The following INPP4B variants were observed in gnomAD, a reference collection of about 807,000 sequenced individuals.
The protein encoded by INPP4B is inositol polyphosphate-4-phosphatase type II B.
A neutral mutation model predicts 122.5 loss-of-function variants in INPP4B; 55 were observed. The ratio of observed to expected loss-of-function variants is 0.45; its 90% CI spans 0.36 to 0.56. INPP4B has a LOEUF of 0.56. INPP4B is among the 20% of genes least tolerant of loss of function. The pLI is 0.00. For missense variants in INPP4B, 1,000 were observed against 1,097.7 expected, an observed-to-expected ratio of 0.91 and a Z score of 1.26; for synonymous variants, 403 against 388.7, an observed-to-expected ratio of 1.04 and a Z score of -0.43.
At position 142,246,045 on chromosome 4, in the gene INPP4B, C is replaced by T. The variant is rs1728419439; in HGVS notation, c.689-8034G>A. On this transcript the variant is annotated intron_variant, in intron 11 of 25. Coordinates refer to ENST00000262992, the MANE Select transcript of INPP4B (RefSeq NM_001101669.3). ...GTATGTACACACACGTGTGTGTATA[C>T]ACACATTATATATATGTGTGTGTGT... 3.6e-5 allele frequency among the ~76,000 whole-genome samples: 3 copies of T among 82,950 alleles called. No homozygotes were observed. In the Admixed American group the frequency reaches 3.9e-4, roughly 11 times the overall value. The allele number at this position is 82,950 out of a possible 152,430, so 54.4% of individuals were successfully genotyped here. A position where few individuals can be genotyped will look rare whatever the true frequency, so the allele number is the denominator to read the frequency against.
chr4:142,458,089 T>C (rs1394658340), intron 3 of INPP4B, among the ~76,000 whole-genome samples: 1 of 152,026 alleles, frequency 6.6e-6, no homozygotes, highest in Non-Finnish European at 1.5e-5. Context: ...AAAAGGACAA[T>C]TTTACAGTGA....
At chr4:142,482,145 T>A (rs1820635806) in intron 2 of INPP4B, among the ~76,000 whole-genome samples, 1 of 151,864 alleles carries the variant, frequency 6.6e-6, no homozygotes, top group African/African-American at 2.4e-5. Context: ...GGGGTGGGAG[T>A]CTTCCATTCC....
At chr4:142,029,721 A>G (rs1293460676) in intron 25 of INPP4B, 1 of 990,256 alleles carries the variant, frequency 1.0e-6, no homozygotes, top group African/African-American at 1.7e-5. Context: ...AGCACAGTGG[A>G]AATAAAGTCT....
chr4:142,135,823 G>C (rs904796591), intron 18 of INPP4B, among the ~76,000 whole-genome samples: 3 of 152,258 alleles, frequency 2.0e-5, no homozygotes, highest in Admixed American at 6.5e-5. Context: ...TTGAGACAGA[G>C]TCTTGCTCTG....
intron 2 of INPP4B, among the ~76,000 whole-genome samples, chr4:142,622,558 G>C (rs1212089179): frequency 1.3e-5 from 2 of 151,942 alleles, no homozygotes; most frequent in East Asian, 1.9e-4. Flanking sequence ...GAGACCGCCT[G>C]AGTGGAGAAG....
rs144921057 is a variant in INPP4B, at chr4:142,651,325, G to A, written c.-191+74514C>T. Among the ~76,000 whole-genome samples the A allele has an allele frequency of 9.7e-3, 1,475 of 152,152 alleles. 11 individuals are homozygous for A. Among genetic ancestry groups the A allele is most frequent in the Non-Finnish European group, 0.016 (1,067 of 68,006 alleles). On this transcript the variant is annotated intron_variant, in intron 2 of 25. Coordinates refer to ENST00000262992, the MANE Select transcript of INPP4B (RefSeq NM_001101669.3). The stretch of plus-strand genomic sequence containing the variant: ...AATTAAAAGAACTAGAGAAGCAAGA[G>A]CAAACAAATTCAAAAGCTAGTGGAA...
At chr4:142,739,072 A>T (rs529604781) in intron 1 of INPP4B, among the ~76,000 whole-genome samples, 3 of 152,136 alleles carry the variant, frequency 2.0e-5, no homozygotes, top group Non-Finnish European at 4.4e-5. Context: ...AAAACCAAAC[A>T]TAATAACAAA....
intron 2 of INPP4B, among the ~76,000 whole-genome samples, chr4:142,590,768 C>T (rs769838085): frequency 6.7e-6 from 1 of 150,362 alleles, no homozygotes; most frequent in East Asian, 2.0e-4. Context: ...CATTTCCTTA[C>T]TTTGTCCATG....
At chr4:142,461,571 A>T (rs1816742576) in intron 3 of INPP4B, among the ~76,000 whole-genome samples, 1 of 152,166 alleles carries the variant, frequency 6.6e-6, no homozygotes, top group Admixed American at 6.5e-5. Context: ...TAAACCAATG[A>T]AGCAATCAGA....
At chr4:142,414,933 A>G (rs532585489) in intron 5 of INPP4B, among the ~76,000 whole-genome samples, 2 of 152,356 alleles carry the variant, frequency 1.3e-5, no homozygotes, top group East Asian at 3.9e-4. Context: ...TGAAAATGTT[A>G]TTCCAAGAAG....
At chr4:142,076,604 A>G (rs1402377043) in intron 25 of INPP4B, among the ~76,000 whole-genome samples, 2 of 151,998 alleles carry the variant, frequency 1.3e-5, no homozygotes, top group Non-Finnish European at 2.9e-5. Context: ...ATCATGGAAG[A>G]CCTGTTCCCA....
intron 1 of INPP4B, among the ~76,000 whole-genome samples, chr4:142,822,620 ACCC>A (rs1780926025): frequency 6.6e-6 from 1 of 151,908 alleles, no homozygotes; most frequent in African/African-American, 2.4e-5. Context: ...CATCTACACC[ACCC>A]CGACTCCATC....
intron 2 of INPP4B, among the ~76,000 whole-genome samples, chr4:142,491,779 C>A (rs976563): frequency 0.031 from 4,732 of 152,278 alleles, 171 homozygotes; most frequent in Admixed American, 0.07. Flanking sequence ...TGCAAGTTAA[C>A]AACACAGTAA....
intron 9 of INPP4B, among the ~76,000 whole-genome samples, chr4:142,274,113 C>A (rs1342145232): frequency 6.6e-6 from 1 of 151,730 alleles, no homozygotes; most frequent in Non-Finnish European, 1.5e-5. Flanking sequence ...CAATTTATCA[C>A]CTATCAAGTT....
At chr4:142,044,467 A>T (rs757108774) in intron 25 of INPP4B, among the ~76,000 whole-genome samples, 1 of 152,200 alleles carries the variant, frequency 6.6e-6, no homozygotes, top group Non-Finnish European at 1.5e-5. Flanking sequence ...AGGTCACCAG[A>T]TTCCATGATT....
intron 12 of INPP4B, among the ~76,000 whole-genome samples, chr4:142,231,792 T>C (rs1421215785): frequency 6.6e-6 from 1 of 152,170 alleles, no homozygotes; most frequent in Non-Finnish European, 1.5e-5. Flanking sequence ...AACTCACAAT[T>C]GTTTATTCAT....
chr4:142,037,712 T>C (rs1443461563), intron 25 of INPP4B, among the ~76,000 whole-genome samples: 2 of 152,176 alleles, frequency 1.3e-5, no homozygotes, highest in Admixed American at 6.6e-5. Context: ...GACTCAACAT[T>C]CATCTGATGG....
At chr4:142,813,328 A>G (rs1416157495) in intron 1 of INPP4B, among the ~76,000 whole-genome samples, 1 of 152,184 alleles carries the variant, frequency 6.6e-6, no homozygotes, top group East Asian at 1.9e-4. Context: ...AAAGATAAAC[A>G]AAGAAATGCC....
At chr4:142,689,040 T>C (rs1369840935) in intron 2 of INPP4B, among the ~76,000 whole-genome samples, 1 of 152,130 alleles carries the variant, frequency 6.6e-6, no homozygotes. Flanking sequence ...ATCCACCAAA[T>C]TATCCTTAAA....
Sources: allele counts gnomAD v4.1 joint callset (sites outside exome capture counted in the v4.1 genomes callset), GRCh38; gene constraint gnomAD v4.1.1; transcripts MANE v1.5; gene names NCBI Gene and HGNC (gene_info 2026-07-23, HGNC 2026-07-21).